Variants in FBXL2 observed in about 807,000 individuals in gnomAD.
FBXL2 encodes F-box and leucine rich repeat protein 2.
FBXL2 carries 38 observed loss-of-function variants against 69.2 expected under a neutral mutation model. The ratio of observed to expected loss-of-function variants is 0.55; its 90% CI spans 0.42 to 0.72. The LOEUF (loss-of-function observed/expected upper bound fraction) is 0.72, where lower values mean the gene tolerates loss of function less well. Ranked by LOEUF, FBXL2 falls within the 30% of genes least tolerant of loss-of-function variation. The pLI is 0.00. For synonymous variants in FBXL2, 192 were observed against 201.3 expected, an observed-to-expected ratio of 0.95 and a Z score of 0.39; for missense variants, 354 against 520.3, an observed-to-expected ratio of 0.68 and a Z score of 3.11.
chr3:33,412,762 T>C, the FBXL2 span: 1 of 1,614,068 alleles, frequency 6.2e-7, no homozygotes, highest in Non-Finnish European at 8.5e-7. Flanking sequence ...TCCACTTCCA[T>C]CCTTCAAGTT....
chr3:33,385,377 C>A, intron 14 of FBXL2, 124 bp from the exon 15 acceptor site: 1 of 871,292 alleles, frequency 1.1e-6, no homozygotes, highest in Non-Finnish European at 2.0e-6. Context: ...TAATCTATAG[C>A]ATAAATTCTA....
intron 2 of FBXL2, among the ~76,000 whole-genome samples, chr3:33,301,114 C>A (rs1038887668): frequency 2.0e-5 from 3 of 152,132 alleles, no homozygotes; most frequent in Non-Finnish European, 2.9e-5. Context: ...AACAAAGCCC[C>A]CACCTCATGA....
intron 2 of FBXL2, among the ~76,000 whole-genome samples, chr3:33,323,642 TC>T (rs2038424683): frequency 6.6e-6 from 1 of 152,216 alleles, no homozygotes; most frequent in African/African-American, 2.4e-5. Context: ...TATTAACTCA[TC>T]CTTTTTATGG....
chr3:33,401,175 C>T (rs2044215307), intron 12 of FBXL2, among the ~76,000 whole-genome samples: 1 of 152,140 alleles, frequency 6.6e-6, no homozygotes, highest in Non-Finnish European at 1.5e-5. Flanking sequence ...AGCGCAACAG[C>T]TTAGGGTGTG....
chr3:33,312,509 G>A (rs1466818639), intron 2 of FBXL2, among the ~76,000 whole-genome samples: 1 of 152,090 alleles, frequency 6.6e-6, no homozygotes, highest in Non-Finnish European at 1.5e-5. Flanking sequence ...GAAGAAGTAG[G>A]GACTTACTTT....
At position 33,333,030 on chromosome 3, in the gene FBXL2, C is replaced by G. The variant is rs187361784; in HGVS notation, c.66-25937C>G. Among the ~76,000 whole-genome samples the G allele has an allele frequency of 1.6e-4, 25 of 152,182 alleles. No homozygotes were observed. The East Asian group carries it at 4.6e-3, about 28-fold the overall frequency. On this transcript the variant is annotated intron_variant, in intron 2 of 14. Transcript: ENST00000484457. ...TATTGCCTAATTACATTTACATGAA[C>G]TAGGCAGAGTAGATAAATCCATGGA...
chr3:33,317,337 C>T, intron 2 of FBXL2: 1 of 394,314 alleles, frequency 2.5e-6, no homozygotes, highest in Non-Finnish European at 5.1e-6. Context: ...AGAGAGAAAA[C>T]CCAAATCCCA....
Position 33,322,314 on chromosome 3 carries a change from G to A in FBXL2, c.65+24589G>A, listed in dbSNP as rs185194235. Among the ~76,000 whole-genome samples, 797 of 151,992 alleles carry A rather than the reference G, an allele frequency of 5.2e-3. 4 individuals are homozygous for A. Among genetic ancestry groups the A allele is most frequent in the African/African-American group, 0.017 (715 of 41,480 alleles). ...ACAGTGGTCTTGATCTCCTGATCTC[G>A]TGATCTGCCCACCTCGGCCTCCAAA... On this transcript the variant is annotated intron_variant, in intron 2 of 14. Transcript: ENST00000484457.
chr3:33,381,442 C>T lies in FBXL2; in HGVS notation c.952-2547C>T, dbSNP rs112397463. Among the ~76,000 whole-genome samples, 95 of 152,128 alleles carry T rather than the reference C, an allele frequency of 6.2e-4. 1 individual carries two copies. Among genetic ancestry groups the T allele is most frequent in the African/African-American group, 1.9e-3 (78 of 41,512 alleles). ...GGTGGATCACCTGAGGTCGGGAGTT[C>T]GAGACCAGCCTGACCAACATGGAGA... On this transcript the variant is annotated intron_variant, in intron 13 of 14. Transcript: ENST00000484457.
In FBXL2 at chr3:33,387,309, A is replaced by G. The variant is rs1352156335; in HGVS notation, c.*1701A>G. On this transcript the variant is annotated 3_prime_UTR_variant, in exon 15 of 15. Coordinates refer to ENST00000484457, the MANE Select transcript of FBXL2 (RefSeq NM_012157.5). Reference sequence around the variant, plus strand: ...AATTAGTTTAGTTTCTATTAAAAAAAATTAACTTAAGGCTGGCCACGGTGG... The same window carrying G: ...AATTAGTTTAGTTTCTATTAAAAAAGATTAACTTAAGGCTGGCCACGGTGG... 6.6e-6 allele frequency: 1 copy of G among 152,366 alleles called. No individual in the cohort carries two copies. Among genetic ancestry groups the G allele is most frequent in the South Asian group, 2.1e-4 (1 of 4,830 alleles). 9.4% of individuals were successfully genotyped at this position (152,366 alleles called of 1,614,324 possible). A position where few individuals can be genotyped will look rare whatever the true frequency, so the allele number is the denominator to read the frequency against.
chr3:33,325,072 A>T (rs1439153556), intron 2 of FBXL2, among the ~76,000 whole-genome samples: 1 of 152,156 alleles, frequency 6.6e-6, no homozygotes, highest in Non-Finnish European at 1.5e-5. Flanking sequence ...GCAGTTGTGA[A>T]TGGGAGTTCA....
At chr3:33,319,899 T>C (rs1182951436) in intron 2 of FBXL2, among the ~76,000 whole-genome samples, 1 of 152,168 alleles carries the variant, frequency 6.6e-6, no homozygotes, top group Admixed American at 6.5e-5. Flanking sequence ...ATGTAAGATA[T>C]CTAAAGACAA....
chr3:33,311,902 C>T lies in FBXL2; in HGVS notation c.65+14177C>T, dbSNP rs916730650. Among the ~76,000 whole-genome samples the T allele has an allele frequency of 5.3e-5, 8 of 152,268 alleles. No individual in the cohort carries two copies. In the East Asian group the frequency reaches 1.5e-3, roughly 29 times the overall value. On this transcript the variant is annotated intron_variant, in intron 2 of 14. Coordinates refer to ENST00000484457, the MANE Select transcript of FBXL2 (RefSeq NM_012157.5). ...CCTCCCAAAGTGCTGGGATTACAGGCATGCGCTACTGCATCCATCCTGTTT... is the reference window on the plus strand; with the variant it reads ...CCTCCCAAAGTGCTGGGATTACAGGTATGCGCTACTGCATCCATCCTGTTT...
At position 33,386,517 on chromosome 3, in the gene FBXL2, A is replaced by T. The variant is rs1243422798; in HGVS notation, c.*909A>T. The T allele has an allele frequency of 6.6e-6, 1 of 152,132 alleles. No homozygotes were observed. The highest frequency in any genetic ancestry group is 1.5e-5 in the Non-Finnish European group (1 of 68,004). The allele number at this position is 152,132 out of a possible 1,614,324, so 9.4% of individuals were successfully genotyped here. On this transcript the variant is annotated 3_prime_UTR_variant, in exon 15 of 15. Transcript: ENST00000484457. ...TTCAAGCTTATTTTGAAATCTTAAA[A>T]ATCAGGTTACACCATAGCTACTCAA...
chr3:33,280,382 T>G lies in FBXL2; in HGVS notation c.3+2867T>G, dbSNP rs1202779166. On this transcript the variant is annotated intron_variant, in intron 1 of 14. Transcript: ENST00000484457. ...TATTCTCTGAGATTTTCCTAATTTT[T>G]AGATTTTAGTTTCATATTCTACAAT... Among the ~76,000 whole-genome samples the G allele has an allele frequency of 3.3e-5, 5 of 152,226 alleles. No individual in the cohort carries two copies. The East Asian group carries it at 9.6e-4, about 29-fold the overall frequency.
At chr3:33,410,887 T>C in the FBXL2 span, among the ~76,000 whole-genome samples, 5 of 151,674 alleles carry the variant, frequency 3.3e-5, no homozygotes, top group African/African-American at 4.8e-5. Context: ...GTCTGGCCAA[T>C]ATGGTGAAAC....
intron 2 of FBXL2, among the ~76,000 whole-genome samples, chr3:33,353,902 G>A (rs183775752): frequency 7.2e-5 from 11 of 151,950 alleles, no homozygotes; most frequent in East Asian, 1.9e-4. Flanking sequence ...GAAAAAAATC[G>A]GTAGTGGCCA....
chr3:33,381,906 T>C (rs2043091625), intron 13 of FBXL2, among the ~76,000 whole-genome samples: 1 of 152,208 alleles, frequency 6.6e-6, no homozygotes, highest in Admixed American at 6.5e-5. Flanking sequence ...ATTGTTAAGA[T>C]CAAGCTCAGA....
intron 1 of FBXL2, chr3:33,289,940 T>G (rs2035055251): frequency 3.9e-6 from 1 of 255,230 alleles, no homozygotes; most frequent in Non-Finnish European, 6.1e-6. Context: ...TCTTTATGAT[T>G]ATCTAGGCTT....
Sources: gnomAD v4.1 joint callset for allele counts (sites outside exome capture counted in the v4.1 genomes callset) on GRCh38, gnomAD v4.1.1 for gene constraint, MANE v1.5 for transcripts, NCBI Gene and HGNC (gene_info 2026-07-23, HGNC 2026-07-21) for gene names.